SEMA3C: variants seen among roughly 807,000 people sequenced by gnomAD.
The protein encoded by SEMA3C is semaphorin-3C.
Under a neutral mutation model 89.4 loss-of-function variants are expected in SEMA3C, and 47 were observed. The ratio of observed to expected loss-of-function variants is 0.53; its 90% CI spans 0.42 to 0.67. SEMA3C has a LOEUF of 0.67. Among genes scored for constraint, SEMA3C ranks in the 30% least tolerant of loss-of-function variants. The probability of loss-of-function intolerance (pLI) is 0.00; values close to 1 mark genes in which losing one functional copy is unlikely to be tolerated. For synonymous variants in SEMA3C, 310 were observed against 320.2 expected (o/e 0.97, Z 0.34); for missense variants, 839 against 929.1 (o/e 0.90, Z 1.26).
chr7:80,809,572 C>T (rs1231654050), intron 6 of SEMA3C, among the ~76,000 whole-genome samples: 3 of 152,128 alleles, frequency 2.0e-5, no homozygotes, highest in Non-Finnish European at 4.4e-5. Flanking sequence ...TCTCCATATC[C>T]TTCCCAATGC....
At position 80,916,758 on chromosome 7, in the gene SEMA3C, C is replaced by T; in HGVS notation, c.24G>A (p.Val8=). The T allele has an allele frequency of 6.2e-7, 1 of 1,613,466 alleles. No homozygotes were observed. The highest frequency in any genetic ancestry group is 1.3e-5 in the African/African-American group (1 of 74,990). Residue 8 remains valine, a synonymous_variant, in exon 2 of 18, where the codon GTG becomes GTA. Transcript: ENST00000265361. MAFRTIC[V]LVGVFICSIC... ...TAGAACAAATAAATACTCCAACCAA[C>T]ACGCAAATTGTCCGGAATGCCATTT...
intron 1 of SEMA3C, among the ~76,000 whole-genome samples, chr7:80,917,431 T>C (rs1166914228): frequency 6.6e-6 from 1 of 152,178 alleles, no homozygotes; most frequent in Non-Finnish European, 1.5e-5. Context: ...GCAGTTGAAG[T>C]AACCATGGAC....
chr7:80,814,127 C>T (rs1425206807), intron 5 of SEMA3C, among the ~76,000 whole-genome samples: 3 of 142,562 alleles, frequency 2.1e-5, no homozygotes, highest in Non-Finnish European at 3.0e-5. Context: ...CTCGCTCTGT[C>T]GCCCAGGCTG....
chr7:80,867,679 A>T (rs1790960111), intron 2 of SEMA3C, among the ~76,000 whole-genome samples: 1 of 151,960 alleles, frequency 6.6e-6, no homozygotes, highest in South Asian at 2.1e-4. Context: ...ATGCTGGGTG[A>T]AAGTTTATCA....
intron 2 of SEMA3C, among the ~76,000 whole-genome samples, chr7:80,846,019 A>G (rs1051264613): frequency 1.3e-5 from 2 of 152,202 alleles, no homozygotes; most frequent in Non-Finnish European, 2.9e-5. Flanking sequence ...CAAAAATTTC[A>G]TATAGGTCAT....
intron 5 of SEMA3C, among the ~76,000 whole-genome samples, chr7:80,811,750 A>G (rs1480088462): frequency 6.6e-6 from 1 of 152,172 alleles, no homozygotes; most frequent in African/African-American, 2.4e-5. Context: ...TGAAATGTAT[A>G]AAAACAGGCA....
intron 2 of SEMA3C, among the ~76,000 whole-genome samples, chr7:80,908,853 G>A (rs1339461855): frequency 6.6e-6 from 1 of 152,058 alleles, no homozygotes; most frequent in Non-Finnish European, 1.5e-5. Flanking sequence ...AAGTAATAAA[G>A]TGTTCACCAA....
chr7:80,881,207 A>T (rs113113657), intron 2 of SEMA3C, among the ~76,000 whole-genome samples: 2,584 of 141,132 alleles, frequency 0.018, 40 homozygotes, highest in African/African-American at 0.05. Context: ...ACACACACAC[A>T]CACTCTCTCT....
At position 80,793,308 on chromosome 7, in the gene SEMA3C, C is replaced by T. The variant is rs1428009817; in HGVS notation, c.1132-3780G>A. ...CCTATACTCAGGTATTCATAAATATCTGCTGCCTTCTGAAGTTTCTAAATG... is the reference window on the plus strand; with the variant it reads ...CCTATACTCAGGTATTCATAAATATTTGCTGCCTTCTGAAGTTTCTAAATG... On this transcript the variant is annotated intron_variant, in intron 11 of 17. Transcript: ENST00000265361. 3 of 230,890 alleles carry T rather than the reference C, an allele frequency of 1.3e-5. No homozygotes were observed. The Admixed American group carries it at 1.7e-4, about 13-fold the overall frequency. The allele number at this position is 230,890 out of a possible 1,614,324, so 14.3% of individuals were successfully genotyped here.
intron 2 of SEMA3C, among the ~76,000 whole-genome samples, chr7:80,869,271 T>C (rs1189593692): frequency 6.6e-6 from 1 of 152,212 alleles, no homozygotes; most frequent in African/African-American, 2.4e-5. Context: ...GCTAGCAAGA[T>C]GTTAATGAAA....
At chr7:80,861,534 C>A (rs1256174222) in intron 2 of SEMA3C, among the ~76,000 whole-genome samples, 1 of 152,028 alleles carries the variant, frequency 6.6e-6, no homozygotes, top group Non-Finnish European at 1.5e-5. Context: ...AAACATATAA[C>A]AAGGTAGATT....
chr7:80,824,649 A>AT (rs1166234443), intron 4 of SEMA3C, among the ~76,000 whole-genome samples: 1 of 152,088 alleles, frequency 6.6e-6, no homozygotes, highest in African/African-American at 2.4e-5. Context: ...AGCATTTATC[A>AT]TTTTCTCTCT....
At chr7:80,874,451 T>TTTATTTA (rs1791150017) in intron 2 of SEMA3C, among the ~76,000 whole-genome samples, 2 of 143,776 alleles carry the variant, frequency 1.4e-5, no homozygotes, top group Admixed American at 1.4e-4. Flanking sequence ...TAGCAAGTTA[T>TTTATTTA]TTATTTATTT....
intron 12 of SEMA3C, among the ~76,000 whole-genome samples, chr7:80,772,389 C>T (rs1222418663): frequency 2.6e-5 from 4 of 152,130 alleles, no homozygotes; most frequent in East Asian, 1.9e-4. Context: ...TGCCTTGTTA[C>T]AAAAAATATG....
Position 80,781,463 on chromosome 7 carries a change from A to G in SEMA3C, c.1354+7843T>C, listed in dbSNP as rs569578387. The stretch of plus-strand genomic sequence containing the variant: ...CTTAAACTATATTTCGCATTCTATA[A>G]TGAAACATTTCCTTCTATTTTCTAG... On this transcript the variant is annotated intron_variant, in intron 12 of 17. Coordinates refer to ENST00000265361, the MANE Select transcript of SEMA3C (RefSeq NM_006379.5). 2.0e-5 allele frequency among the ~76,000 whole-genome samples: 3 copies of G among 152,340 alleles called. No homozygotes were observed. In the South Asian group the frequency reaches 6.2e-4, roughly 32 times the overall value.
rs370346416 is a variant in SEMA3C at position 80,847,612 on chromosome 7, A to T, written c.104-18867T>A. The stretch of plus-strand genomic sequence containing the variant: ...TTTTTCCCCTTTCCAAACGTAACAA[A>T]CTCGCTTGGCATCCTCATTTTGCTT... On this transcript the variant is annotated intron_variant, in intron 2 of 17. Transcript: ENST00000265361. Among the ~76,000 whole-genome samples, 3 of 152,026 alleles carry T rather than the reference A, an allele frequency of 2.0e-5. No homozygotes were observed. In the East Asian group the frequency reaches 5.8e-4, roughly 29 times the overall value.
chr7:80,809,104 A>G (rs559943834), intron 6 of SEMA3C, among the ~76,000 whole-genome samples: 3 of 152,256 alleles, frequency 2.0e-5, no homozygotes, highest in African/African-American at 7.2e-5. Flanking sequence ...AAAGTGTCTC[A>G]ATCAAAAGAG....
intron 2 of SEMA3C, among the ~76,000 whole-genome samples, chr7:80,898,824 CAAAAAAA>C (rs34542451): frequency 9.1e-6 from 1 of 109,556 alleles, no homozygotes; most frequent in Non-Finnish European, 2.1e-5. Context: ...TTTGTTTGAC[CAAAAAAA>C]AAAAAAAAAA....
intron 2 of SEMA3C, among the ~76,000 whole-genome samples, chr7:80,901,539 A>G (rs1454999452): frequency 6.6e-6 from 1 of 152,240 alleles, no homozygotes; most frequent in Admixed American, 6.5e-5. Context: ...CCAAGTGCTA[A>G]GTAGTAGAAG....
Sources: gnomAD v4.1 joint callset for allele counts (sites outside exome capture counted in the v4.1 genomes callset) on GRCh38, gnomAD v4.1.1 for gene constraint, MANE v1.5 for transcripts, NCBI Gene and HGNC (gene_info 2026-07-23, HGNC 2026-07-21) for gene names.